RBP7: variants seen among roughly 807,000 people sequenced by gnomAD.
RBP7 encodes retinoid-binding protein 7.
A neutral mutation model predicts 16.7 loss-of-function variants in RBP7; 13 were observed. The ratio of observed to expected loss-of-function variants is 0.78; its 90% CI spans 0.51 to 1.24. The LOEUF is 1.24. RBP7 is among the 50% of genes most tolerant of loss of function. The pLI is 0.00. For synonymous variants in RBP7, 54 were observed against 56.2 expected, an observed-to-expected ratio of 0.96 and a Z score of 0.17; for missense variants, 145 against 159.5, an observed-to-expected ratio of 0.91 and a Z score of 0.49.
chr1:10,004,601 C>T (rs892445269), intron 1 of RBP7, among the ~76,000 whole-genome samples: 11 of 151,996 alleles, frequency 7.2e-5, no homozygotes, highest in South Asian at 2.1e-4. Context: ...TCGCGTTGGT[C>T]TGCCCGCCTC....
Position 10,015,976 on chromosome 1 carries a change from A to G in RBP7, c.*144A>G, listed in dbSNP as rs1004631118. On this transcript the variant is annotated 3_prime_UTR_variant, in exon 4 of 4. Transcript: ENST00000294435. ...CACAGCGTGTAACCTGAAGTCATCT[A>G]GATTATGGGGAAACTGCTCAGCTTC... is the stretch of plus-strand genomic sequence containing the variant. 2 of 671,822 alleles carry G rather than the reference A, an allele frequency of 3.0e-6. No homozygotes were observed. The highest frequency in any genetic ancestry group is 3.6e-5 in the African/African-American group (2 of 55,812). 41.6% of individuals were successfully genotyped at this position (671,822 alleles called of 1,614,324 possible). A position where few individuals can be genotyped will look rare whatever the true frequency, so the allele number is the denominator to read the frequency against.
chr1:10,015,583 G>C (rs1206379198), intron 3 of RBP7, among the ~76,000 whole-genome samples, 199 bp from the exon 4 acceptor site: 2 of 151,856 alleles, frequency 1.3e-5, no homozygotes, highest in Non-Finnish European at 2.9e-5. Flanking sequence ...AGGATCGCTT[G>C]AGCCTGGGAG....
At position 10,015,902 on chromosome 1, in the gene RBP7, C is replaced by T. The variant is rs1011587196; in HGVS notation, c.*70C>T. On this transcript the variant is annotated 3_prime_UTR_variant, in exon 4 of 4. Transcript: ENST00000294435. ...CAAATTATATTGCAGACTGAACAGA[C>T]GTTTATCTATCCCATTTGGCGACGA... 7 of 1,438,376 alleles carry T rather than the reference C, an allele frequency of 4.9e-6. No homozygotes were observed. Among genetic ancestry groups the T allele is most frequent in the East Asian group, 4.5e-5 (2 of 44,028 alleles). The allele number at this position is 1,438,376 out of a possible 1,614,324, so 89.1% of individuals were successfully genotyped here.
Position 10,007,647 on chromosome 1 carries a change from AC to A in RBP7, c.153del (p.Ile52SerfsTer7). On this transcript the variant is annotated frameshift_variant, in exon 2 of 4. Transcript: ENST00000294435. LOFTEE classifies it high-confidence loss of function. ...KVIEQNGDSF[T>X]IHTNSSLRNY... ...GATTGAGCAGAATGGGGATTCTTTT[AC>A]CATCCACACGAACAGCAGCCTAAGG... 1 of 1,614,028 alleles carries A rather than the reference AC, an allele frequency of 6.2e-7. No homozygotes were observed. The highest frequency in any genetic ancestry group is 8.5e-7 in the Non-Finnish European group (1 of 1,179,950).
At chr1:10,007,431 C>T (rs951378651) in intron 1 of RBP7, 139 bp from the exon 2 acceptor site, 1 of 700,868 alleles carries the variant, frequency 1.4e-6, no homozygotes, top group African/African-American at 1.8e-5. Context: ...CCTTGTAGAT[C>T]TGATTTTGGC....
chr1:10,015,682 T>C (rs766896411), intron 3 of RBP7, 100 bp from the exon 4 acceptor site: 2 of 1,044,264 alleles, frequency 1.9e-6, no homozygotes, highest in Non-Finnish European at 3.0e-6. Context: ...AAAAACATGT[T>C]CCAGAAAAGG....
chr1:10,015,568 G>A (rs891777099), intron 3 of RBP7, among the ~76,000 whole-genome samples: 52 of 152,006 alleles, frequency 3.4e-4, no homozygotes, highest in African/African-American at 1.1e-3. Context: ...GGGGGCTGAG[G>A]TGGGAGGATC....
intron 1 of RBP7, among the ~76,000 whole-genome samples, chr1:10,001,835 T>TTATG: frequency 6.6e-6 from 1 of 151,732 alleles, no homozygotes; most frequent in Non-Finnish European, 1.5e-5. Context: ...ATTTATTTAT[T>TTATG]TATTTATTTT....
chr1:10,011,918 G>A (rs966684281), intron 3 of RBP7, among the ~76,000 whole-genome samples: 1 of 151,810 alleles, frequency 6.6e-6, no homozygotes, highest in South Asian at 2.1e-4. Context: ...TTAGCTGGGC[G>A]GAGCCGGGCG....
chr1:10,006,947 T>C, intron 1 of RBP7: 2 of 440,946 alleles, frequency 4.5e-6, no homozygotes, highest in Non-Finnish European at 9.0e-6. Context: ...TTGGTTTTCT[T>C]TTTCTTTCTT....
intron 1 of RBP7, among the ~76,000 whole-genome samples, chr1:10,003,362 T>G (rs1570730325): frequency 6.6e-6 from 1 of 152,154 alleles, no homozygotes; most frequent in East Asian, 1.9e-4. Context: ...GAGGCAGAGG[T>G]TGCAGTGAGC....
rs569334992 is a variant in RBP7, at chr1:10,008,490, G to A, written c.354+216G>A. Among the ~76,000 whole-genome samples the A allele has an allele frequency of 1.7e-4, 25 of 150,448 alleles. No individual in the cohort carries two copies. In the Admixed American group the frequency reaches 1.7e-3, roughly 10 times the overall value. On this transcript the variant is annotated intron_variant, in intron 3 of 3. Transcript: ENST00000294435. Reference sequence around the variant, plus strand: ...GGAGTATCGCTGTGTCACCAGGCTGGAGTGCAGTGGCGCGATCTCGGCTCA... The same window carrying A: ...GGAGTATCGCTGTGTCACCAGGCTGAAGTGCAGTGGCGCGATCTCGGCTCA...
chr1:10,013,926 T>C (rs1380979426), intron 3 of RBP7, among the ~76,000 whole-genome samples: 1 of 151,988 alleles, frequency 6.6e-6, no homozygotes, highest in African/African-American at 2.4e-5. Context: ...AGGTGAGCCA[T>C]GACTGCACCA....
intron 1 of RBP7, among the ~76,000 whole-genome samples, chr1:9,999,225 C>T (rs945235321): frequency 1.2e-4 from 19 of 152,066 alleles, no homozygotes; most frequent in Non-Finnish European, 2.1e-4. Context: ...CGTGGAACTG[C>T]GGCAGTTAAA....
At chr1:10,011,567 C>T (rs1345724573) in intron 3 of RBP7, among the ~76,000 whole-genome samples, 1 of 152,178 alleles carries the variant, frequency 6.6e-6, no homozygotes, top group Non-Finnish European at 1.5e-5. Flanking sequence ...GATTCAAATA[C>T]AGGTCTGACA....
intron 3 of RBP7, among the ~76,000 whole-genome samples, chr1:10,010,486 G>A (rs1405815977): frequency 1.3e-5 from 2 of 151,220 alleles, no homozygotes; most frequent in African/African-American, 4.9e-5. Context: ...GCGCAATCTC[G>A]GCCCCCTGCA....
Position 10,008,248 on chromosome 1 carries a change from T to C in RBP7, c.328T>C (p.Trp110Arg). The C allele has an allele frequency of 6.2e-7, 1 of 1,611,916 alleles. No homozygotes were observed. ...AAAGAAGAACAGAGGCTGGACCCATTGGATCGAAGGAGACAAACTCCACCT... is the reference window on the plus strand; with the variant it reads ...AAAGAAGAACAGAGGCTGGACCCATCGGATCGAAGGAGACAAACTCCACCT... ...GEKKNRGWTHWIEGDKLHLEM... is the reference protein window; with the variant it reads ...GEKKNRGWTHRIEGDKLHLEM... The change falls in exon 3 of 4, where the codon TGG becomes CGG. Residue 110 changes from tryptophan (W) to arginine (R), a missense_variant. By Grantham distance (101) the Trp-to-Arg change is moderately radical. Coordinates refer to ENST00000294435, the MANE Select transcript of RBP7 (RefSeq NM_052960.3).
At chr1:10,014,055 G>A (rs1471715578) in intron 3 of RBP7, among the ~76,000 whole-genome samples, 2 of 152,094 alleles carry the variant, frequency 1.3e-5, no homozygotes, top group Non-Finnish European at 2.9e-5. Flanking sequence ...TGTCTACTGA[G>A]GGTCCTTAGA....
intron 3 of RBP7, among the ~76,000 whole-genome samples, chr1:10,008,599 C>T (rs1445779028): frequency 1.3e-5 from 2 of 151,380 alleles, no homozygotes; most frequent in Admixed American, 6.6e-5. Flanking sequence ...CACCACCACA[C>T]CCAGCTAATT....
Sources: allele counts gnomAD v4.1 joint callset (sites outside exome capture counted in the v4.1 genomes callset), GRCh38; gene constraint gnomAD v4.1.1; transcripts MANE v1.5; gene names NCBI Gene and HGNC (gene_info 2026-07-23, HGNC 2026-07-21).